The following PSD2 variants were observed in gnomAD, a reference collection of about 807,000 sequenced individuals.
The protein encoded by PSD2 is PH and SEC7 domain-containing protein 2.
PSD2 carries 38 observed loss-of-function variants against 69.8 expected under a neutral mutation model. The ratio of observed to expected loss-of-function variants is 0.54; its 90% CI spans 0.42 to 0.71. The LOEUF (loss-of-function observed/expected upper bound fraction) is 0.71. Among genes scored for constraint, PSD2 ranks in the 30% least tolerant of loss-of-function variants. The pLI is 0.00. For missense variants in PSD2, 943 were observed against 1,014.5 expected, an observed-to-expected ratio of 0.93 and a Z score of 0.96; for synonymous variants, 412 against 423.0, an observed-to-expected ratio of 0.97 and a Z score of 0.32.
rs141578086 is a variant in PSD2, at chr5:139,813,598, C to G, written c.661C>G (p.Pro221Ala). Residue 221 changes from proline (P) to alanine (A), a missense_variant, in exon 3 of 15, where the codon CCC becomes GCC. Around this residue, in one of 3 missense-constraint regions of PSD2, gnomAD observed 466 missense variants for 445.0 expected, o/e 1.05. Transcript: ENST00000274710. ...TGGTGGTGATGGGGAGCTGGGCAGC[C>G]CCCTGCGGCGCTCCATCTCCAGCAG... ...AAGGDGELGS[P>A]LRRSISSSRS... 1 of 1,613,994 alleles carries G rather than the reference C, an allele frequency of 6.2e-7. No individual in the cohort carries two copies.
Position 139,843,787 on chromosome 5 carries a change from C to T in PSD2, c.*1313C>T, listed in dbSNP as rs1760933626. On this transcript the variant is annotated 3_prime_UTR_variant, in exon 15 of 15. Transcript: ENST00000274710. ...GCTAGCACCTTTAAGCCCTGCATTT[C>T]TCCAACTGACAAGTGGGTGGGGGTG... 1 of 152,238 alleles carries T rather than the reference C, an allele frequency of 6.6e-6. No homozygotes were observed. The highest frequency in any genetic ancestry group is 1.9e-4 in the East Asian group (1 of 5,198). 9.4% of individuals were successfully genotyped at this position (152,238 alleles called of 1,614,324 possible).
intron 1 of PSD2, among the ~76,000 whole-genome samples, chr5:139,806,518 G>A (rs117977797): frequency 6.6e-6 from 1 of 152,232 alleles, no homozygotes; most frequent in Non-Finnish European, 1.5e-5. Context: ...AAATATGGCG[G>A]TAGAAAGGGT....
At chr5:139,835,984 G>A (rs1760707082) in intron 9 of PSD2, among the ~76,000 whole-genome samples, 1 of 152,248 alleles carries the variant, frequency 6.6e-6, no homozygotes, top group Non-Finnish European at 1.5e-5. Flanking sequence ...CATTGTTACA[G>A]AATAGATTGA....
chr5:139,756,276 C>T, the PSD2 span, among the ~76,000 whole-genome samples: 1 of 152,236 alleles, frequency 6.6e-6, no homozygotes, highest in African/African-American at 2.4e-5. Context: ...CTGCCTCCGC[C>T]GCGCGGCGTA....
chr5:139,791,285 C>T (rs763219637), upstream of PSD2, among the ~76,000 whole-genome samples: 1 of 152,074 alleles, frequency 6.6e-6, no homozygotes, highest in African/African-American at 2.4e-5. Context: ...TAAAAATTAG[C>T]TGGGTATAGT....
chr5:139,842,427 G>A lies in PSD2; in HGVS notation c.2269G>A (p.Val757Met). ...AAGCCCTGCCCTCAGCCAGGGCCAT[G>A]TGACTGGCAGCAAAACCACAAAGGA... is the stretch of plus-strand genomic sequence containing the variant. The part of the protein sequence containing the change: ...HSSPALSQGH[V>M]TGSKTTKDAT... The change falls in exon 15 of 15, where the codon GTG becomes ATG. Residue 757 changes from valine (V) to methionine (M), a missense_variant. Around this residue, in one of 3 missense-constraint regions of PSD2, gnomAD observed 165 missense variants for 168.8 expected, o/e 0.98. Coordinates refer to ENST00000274710, the MANE Select transcript of PSD2 (RefSeq NM_032289.4). 1 of 1,614,172 alleles carries A rather than the reference G, an allele frequency of 6.2e-7. No individual in the cohort carries two copies. The highest frequency in any genetic ancestry group is 8.5e-7 in the Non-Finnish European group (1 of 1,180,014).
chr5:139,838,817 C>T (rs772077860), intron 13 of PSD2, 45 bp downstream of exon 13: 10 of 1,590,152 alleles, frequency 6.3e-6, no homozygotes, highest in Non-Finnish European at 7.7e-6. Context: ...GGCTGCCATC[C>T]TCAGCCCAGG....
chr5:139,766,928 CCCTTCTTTCTTTCT>C, the PSD2 span, among the ~76,000 whole-genome samples: 19 of 31,240 alleles, frequency 6.1e-4, no homozygotes, highest in African/African-American at 2.2e-3. Flanking sequence ...TTCCTTCCTT[CCCTTCTTTCTTTCT>C]TTCTTTCTTT....
the PSD2 span, among the ~76,000 whole-genome samples, chr5:139,778,367 C>G: frequency 6.6e-6 from 1 of 152,142 alleles, no homozygotes; most frequent in African/African-American, 2.4e-5. Context: ...GATGGGGTCT[C>G]TAGTCAAGAG....
chr5:139,825,963 G>A (rs775721091), intron 7 of PSD2, among the ~76,000 whole-genome samples: 8 of 152,202 alleles, frequency 5.3e-5, no homozygotes, highest in Non-Finnish European at 8.8e-5. Flanking sequence ...AGACTGCAAC[G>A]CATCCAGGGA....
rs369310366 is a variant in PSD2, at chr5:139,813,348, C to T, written c.411C>T (p.Phe137=). The T allele has an allele frequency of 5.7e-6, 9 of 1,578,660 alleles. No homozygotes were observed. The African/African-American group carries it at 1.1e-4, about 19-fold the overall frequency. ...GGGAGCCAGATGTGCGGGATGGCTT[C>T]AGCGCCACGTTTGAGAAGATTCTGG... ...GPGEPDVRDG[F]SATFEKILES... is the part of the protein sequence containing the mutation. Residue 137 remains phenylalanine (F), a synonymous_variant, in exon 3 of 15, where the codon TTC becomes TTT. Coordinates refer to ENST00000274710, the MANE Select transcript of PSD2 (RefSeq NM_032289.4).
chr5:139,839,638 C>T lies in PSD2; in HGVS notation c.1969-389C>T, dbSNP rs1760822808. 6.6e-6 allele frequency among the ~76,000 whole-genome samples: 1 copy of T among 152,134 alleles called. No individual in the cohort carries two copies. Among genetic ancestry groups the T allele is most frequent in the Non-Finnish European group, 1.5e-5 (1 of 68,002 alleles). On this transcript the variant is annotated intron_variant, in intron 13 of 14. Transcript: ENST00000274710. The surrounding 1 kb of genome is among the most constrained non-coding windows in gnomAD (Gnocchi z 5.1). ...GTGTATCATATGGAGCAGGGGATAG[C>T]GGGGCCAGGCTGGCCTTGGTCCGGG...
the PSD2 span, among the ~76,000 whole-genome samples, chr5:139,787,005 C>T: frequency 1.5e-3 from 236 of 152,304 alleles, 1 homozygote; most frequent in South Asian, 1.9e-3. Context: ...CAACCACTTA[C>T]AGTACACCTC....
chr5:139,830,823 CT>C (rs60786662), intron 7 of PSD2, among the ~76,000 whole-genome samples: 1,430 of 82,960 alleles, frequency 0.017, 10 homozygotes, highest in African/African-American at 0.055. Flanking sequence ...CCTGGACTTG[CT>C]TTTTTTTTTT....
chr5:139,774,490 G>GCTTTT, the PSD2 span, among the ~76,000 whole-genome samples: 1 of 152,128 alleles, frequency 6.6e-6, no homozygotes, highest in Non-Finnish European at 1.5e-5. Context: ...AGGCTTTCTT[G>GCTTTT]CTTTTCTTTT....
At chr5:139,742,947 A>C in the PSD2 span, among the ~76,000 whole-genome samples, 2 of 152,210 alleles carry the variant, frequency 1.3e-5, no homozygotes, top group Non-Finnish European at 2.9e-5. Context: ...AAAGCAGAGA[A>C]GCAGCAGTTT....
Position 139,814,505 on chromosome 5 carries a change from C to T in PSD2, c.1016+141C>T. 2.8e-6 allele frequency: 2 copies of T among 713,122 alleles called. No individual in the cohort carries two copies. The highest frequency in any genetic ancestry group is 4.3e-5 in the South Asian group (2 of 46,112). 44.2% of individuals were successfully genotyped at this position (713,122 alleles called of 1,614,324 possible). On this transcript the variant is annotated intron_variant, in intron 4 of 14. Coordinates refer to ENST00000274710, the MANE Select transcript of PSD2 (RefSeq NM_032289.4). The surrounding 1 kb of genome is among the most constrained non-coding windows in gnomAD (Gnocchi z 4.4). ...AGTTCCCCAAGGACACCTCCTCCCG[C>T]CACTGTCCTCATTCCTGGCCTCGCC...
At chr5:139,841,762 T>C (rs1253378410) in intron 14 of PSD2, among the ~76,000 whole-genome samples, 1 of 152,258 alleles carries the variant, frequency 6.6e-6, no homozygotes, top group African/African-American at 2.4e-5. Flanking sequence ...ATGTTGAGCA[T>C]CTTTTCATGT....
the PSD2 span, among the ~76,000 whole-genome samples, chr5:139,745,915 G>GC: frequency 6.6e-6 from 1 of 152,272 alleles, no homozygotes; most frequent in South Asian, 2.1e-4. Flanking sequence ...ACCTGCTCCT[G>GC]CCCCCTCAAA....
Sources: allele counts gnomAD v4.1 joint callset (sites outside exome capture counted in the v4.1 genomes callset), GRCh38; gene constraint gnomAD v4.1.1; regional missense constraint gnomAD v4.1.1; non-coding constraint Gnocchi (gnomAD v3.1); transcripts MANE v1.5; gene names NCBI Gene and HGNC (gene_info 2026-07-23, HGNC 2026-07-21).